ZNF423: variants seen among roughly 807,000 people sequenced by gnomAD.
ZNF423 encodes Ebf-associated zinc finger protein.
Under a neutral mutation model 95.8 loss-of-function variants are expected in ZNF423, and 12 were observed. The ratio of observed to expected loss-of-function variants is 0.13; its 90% CI spans 0.08 to 0.20. The LOEUF is 0.20. Among genes scored for constraint, ZNF423 ranks in the 10% least tolerant of loss-of-function variants. The pLI, the probability that ZNF423 is intolerant of heterozygous loss-of-function variation, is 1.00. For missense variants in ZNF423, 1,316 were observed against 1,737.1 expected, an observed-to-expected ratio of 0.76 and a Z score of 4.31; for synonymous variants, 749 against 711.9, an observed-to-expected ratio of 1.05 and a Z score of -0.83.
intron 5 of ZNF423, among the ~76,000 whole-genome samples, chr16:49,567,202 G>C (rs1970221981): frequency 6.6e-6 from 1 of 152,194 alleles, no homozygotes; most frequent in Non-Finnish European, 1.5e-5. Context: ...TAGGGACTCT[G>C]ACAAACTGAA....
At chr16:49,610,898 C>T (rs1268641788) in intron 5 of ZNF423, among the ~76,000 whole-genome samples, 1 of 151,746 alleles carries the variant, frequency 6.6e-6, no homozygotes, top group Admixed American at 6.6e-5. Context: ...GGCTTCAGAA[C>T]AAAAAATTAG....
chr16:49,524,079 G>A (rs1034012441), intron 6 of ZNF423, among the ~76,000 whole-genome samples: 2 of 152,176 alleles, frequency 1.3e-5, no homozygotes, highest in Non-Finnish European at 2.9e-5. Flanking sequence ...GCCTGCCACA[G>A]ACAAATGAAT....
At chr16:49,765,971 G>A (rs528208908) in intron 2 of ZNF423, among the ~76,000 whole-genome samples, 1 of 152,278 alleles carries the variant, frequency 6.6e-6, no homozygotes, top group South Asian at 2.1e-4. Flanking sequence ...GTTTCACCTG[G>A]GAAAATGAAA....
At chr16:49,553,126 C>T (rs968239996) in intron 5 of ZNF423, among the ~76,000 whole-genome samples, 3 of 152,064 alleles carry the variant, frequency 2.0e-5, no homozygotes, top group Non-Finnish European at 4.4e-5. Context: ...AGAGCACAGA[C>T]TCTGAAGGCA....
At chr16:49,748,057 A>G (rs1276654060) in intron 2 of ZNF423, among the ~76,000 whole-genome samples, 3 of 152,244 alleles carry the variant, frequency 2.0e-5, no homozygotes, top group Non-Finnish European at 4.4e-5. Flanking sequence ...AGCCTGGGCA[A>G]TAAGTGAGAC....
intron 3 of ZNF423, among the ~76,000 whole-genome samples, chr16:49,660,234 T>A (rs970683470): frequency 1.9e-4 from 29 of 152,112 alleles, no homozygotes; most frequent in African/African-American, 6.8e-4. Flanking sequence ...GATGAAAGGG[T>A]ACCTGGCCTA....
rs975128770 is a variant in ZNF423 at position 49,751,648 on chromosome 16, T to C, written c.101-20677A>G. 8.5e-5 allele frequency among the ~76,000 whole-genome samples: 13 copies of C among 152,322 alleles called. No homozygotes were observed. The East Asian group carries it at 2.5e-3, about 29-fold the overall frequency. On this transcript the variant is annotated intron_variant, in intron 2 of 7. Coordinates refer to ENST00000563137, the MANE Select transcript of ZNF423 (RefSeq NM_001379286.1). ...AGGTCAGACCTGGGTTCAAATCCCA[T>C]CATGACCTCAGCCAGAACTAGTCTT...
intron 3 of ZNF423, among the ~76,000 whole-genome samples, chr16:49,661,808 A>G (rs1207308893): frequency 6.6e-6 from 1 of 152,160 alleles, no homozygotes; most frequent in Non-Finnish European, 1.5e-5. Context: ...GGAGCCAGAG[A>G]GCCTCCGTTC....
chr16:49,600,976 G>C (rs1481476324), intron 5 of ZNF423, among the ~76,000 whole-genome samples: 1 of 152,172 alleles, frequency 6.6e-6, no homozygotes, highest in Non-Finnish European at 1.5e-5. Context: ...TCTCTGATAT[G>C]ATGTTTATAA....
intron 1 of ZNF423, among the ~76,000 whole-genome samples, chr16:49,797,881 T>G (rs1269944015): frequency 6.6e-6 from 1 of 152,040 alleles, no homozygotes; most frequent in Non-Finnish European, 1.5e-5. Context: ...TATGGGCATC[T>G]CACCAAAAGG....
At chr16:49,741,589 T>G (rs1273193459) in intron 2 of ZNF423, among the ~76,000 whole-genome samples, 2 of 152,152 alleles carry the variant, frequency 1.3e-5, no homozygotes, top group Admixed American at 6.5e-5. Context: ...GACTTCAAGT[T>G]TTAAGAAACA....
intron 7 of ZNF423, among the ~76,000 whole-genome samples, chr16:49,505,938 G>T (rs564444788): frequency 6.6e-6 from 1 of 152,272 alleles, no homozygotes; most frequent in East Asian, 1.9e-4. Context: ...GGTCTGCCCT[G>T]TGCCCCCCAC....
At position 49,636,734 on chromosome 16, in the gene ZNF423, C is replaced by A. The variant is rs199874154; in HGVS notation, c.2442G>T (p.Lys814Asn). ...LQCHITTHSK[K>N]YNCKFCSKAF... ...CCTTGCTGCAGAACTTACAGTTATA[C>A]TTCTTGCTGTGTGTGGTGATGTGGC... Residue 814 changes from lysine to asparagine, a missense_variant, in exon 4 of 8, where the codon AAG (lysine) becomes AAT (asparagine). Transcript: ENST00000563137. This position sits in a 1 kb window ranked among gnomAD's most constrained non-coding sequence, Gnocchi z 8.6. 5 of 1,614,062 alleles carry A rather than the reference C, an allele frequency of 3.1e-6. No individual in the cohort carries two copies.
At chr16:49,681,833 A>G (rs1388842558) in intron 3 of ZNF423, among the ~76,000 whole-genome samples, 3 of 152,072 alleles carry the variant, frequency 2.0e-5, no homozygotes, top group Non-Finnish European at 4.4e-5. Context: ...CGATGCAATC[A>G]TGGTTCACTG....
chr16:49,502,682 G>T (rs928445407), intron 7 of ZNF423, among the ~76,000 whole-genome samples: 1 of 151,994 alleles, frequency 6.6e-6, no homozygotes, highest in Non-Finnish European at 1.5e-5. Context: ...GGCCAGGCAT[G>T]GTAGAGGGGC....
intron 7 of ZNF423, among the ~76,000 whole-genome samples, chr16:49,512,078 C>T (rs1240167738): frequency 2.0e-5 from 3 of 152,112 alleles, no homozygotes; most frequent in African/African-American, 7.2e-5. Context: ...ATATTATATT[C>T]CACAAACACA....
intron 5 of ZNF423, among the ~76,000 whole-genome samples, chr16:49,566,272 A>G (rs994774644): frequency 2.6e-5 from 4 of 152,184 alleles, no homozygotes; most frequent in African/African-American, 7.2e-5. Flanking sequence ...CCACTCAAAG[A>G]AGGCCCATGG....
At chr16:49,833,513 T>G (rs925904928) in intron 1 of ZNF423, among the ~76,000 whole-genome samples, 10 of 152,154 alleles carry the variant, frequency 6.6e-5, no homozygotes, top group African/African-American at 2.4e-4. Context: ...TAAGAAAATG[T>G]TTAATCACAA....
intron 2 of ZNF423, among the ~76,000 whole-genome samples, chr16:49,739,843 T>G (rs1036925860): frequency 6.6e-6 from 1 of 151,406 alleles, no homozygotes; most frequent in African/African-American, 2.4e-5. Context: ...GGATTACAGA[T>G]GCACCATCAG....
Sources: gnomAD v4.1 joint callset for allele counts (sites outside exome capture counted in the v4.1 genomes callset) on GRCh38, gnomAD v4.1.1 for gene constraint, Gnocchi (gnomAD v3.1) non-coding constraint, MANE v1.5 for transcripts, NCBI Gene and HGNC (gene_info 2026-07-23, HGNC 2026-07-21) for gene names.